PIGL: variants seen among roughly 807,000 people sequenced by gnomAD.
The protein encoded by PIGL is N-acetylglucosaminyl-phosphatidylinositol de-N-acetylase.
PIGL carries 22 observed loss-of-function variants against 31.1 expected under a neutral mutation model. The observed-to-expected ratio is 0.71, with a 90% CI of 0.51 to 1.01. The LOEUF is 1.01. Among genes scored for constraint, PIGL ranks in the 50% least tolerant of loss-of-function variants. The pLI, the probability that PIGL is intolerant of heterozygous loss-of-function variation, is 0.00. For missense variants in PIGL, 302 were observed against 315.9 expected (o/e 0.96, Z 0.33); for synonymous variants, 131 against 117.4 (o/e 1.12, Z -0.75).
intron 2 of PIGL, among the ~76,000 whole-genome samples, chr17:16,270,609 T>G (rs1197388651): frequency 1.3e-5 from 2 of 151,900 alleles, no homozygotes; most frequent in East Asian, 3.9e-4. Context: ...AAAACTTAAG[T>G]AGTCAGGCCA....
chr17:16,305,592 T>A (rs2093023081), intron 3 of PIGL, among the ~76,000 whole-genome samples: 1 of 152,098 alleles, frequency 6.6e-6, no homozygotes. Flanking sequence ...AGGTACAGGA[T>A]GAGAGAAAAA....
chr17:16,317,577 T>C (rs1333491039), intron 5 of PIGL, 198 bp from the exon 6 acceptor site: 1 of 1,370,306 alleles, frequency 7.3e-7, no homozygotes, highest in Non-Finnish European at 9.4e-7. Context: ...GCCAGCCAGG[T>C]CTTCTATGGC....
At chr17:16,223,893 A>G (rs2092640260) in intron 1 of PIGL, among the ~76,000 whole-genome samples, 1 of 151,846 alleles carries the variant, frequency 6.6e-6, no homozygotes, top group Non-Finnish European at 1.5e-5. Flanking sequence ...AGTCATCTCA[A>G]CAACCCTGTC....
intron 2 of PIGL, among the ~76,000 whole-genome samples, chr17:16,247,176 G>C (rs1356472945): frequency 6.6e-6 from 1 of 152,128 alleles, no homozygotes; most frequent in Non-Finnish European, 1.5e-5. Flanking sequence ...TGTGATCTTA[G>C]TTACCTCCTA....
At chr17:16,289,956 A>G (rs1367723697) in intron 2 of PIGL, among the ~76,000 whole-genome samples, 2 of 150,408 alleles carry the variant, frequency 1.3e-5, no homozygotes, top group Non-Finnish European at 3.0e-5. Flanking sequence ...TTGTGTTTTT[A>G]GTAGAGATGG....
chr17:16,325,024 T>C (rs1341642309), intron 6 of PIGL, among the ~76,000 whole-genome samples: 1 of 152,040 alleles, frequency 6.6e-6, no homozygotes, highest in Non-Finnish European at 1.5e-5. Flanking sequence ...GTTGTATATT[T>C]GAGGTAGTAG....
At chr17:16,251,352 G>A (rs1381415134) in intron 2 of PIGL, among the ~76,000 whole-genome samples, 1 of 151,422 alleles carries the variant, frequency 6.6e-6, no homozygotes, top group Non-Finnish European at 1.5e-5. Flanking sequence ...GGGGTCAAGA[G>A]GTCAAGGTTG....
At chr17:16,234,184 CTAGGGCTCGGTGCCATGGT>C in intron 2 of PIGL, 114 bp downstream of exon 2, 1 of 648,566 alleles carries the variant, frequency 1.5e-6, no homozygotes, top group Non-Finnish European at 2.7e-6. Context: ...TATGAAAAGT[CTAGGGCTCGGTGCCATGGT>C]TCACGCTTGT....
intron 2 of PIGL, among the ~76,000 whole-genome samples, chr17:16,245,810 A>G (rs952323627): frequency 1.9e-5 from 2 of 103,884 alleles, no homozygotes; most frequent in East Asian, 2.0e-4. Context: ...ACACACATAT[A>G]TATATATATA....
At chr17:16,258,119 GAGAGAA>G (rs1427752332) in intron 2 of PIGL, among the ~76,000 whole-genome samples, 3 of 125,324 alleles carry the variant, frequency 2.4e-5, no homozygotes, top group South Asian at 2.5e-4. Flanking sequence ...GAGAGAGAGA[GAGAGAA>G]AGAGAGAGAG....
At chr17:16,255,588 T>C (rs1039899415) in intron 2 of PIGL, among the ~76,000 whole-genome samples, 3 of 152,188 alleles carry the variant, frequency 2.0e-5, no homozygotes, top group African/African-American at 7.2e-5. Context: ...AGGCTGGGAC[T>C]GTTGGGATCA....
intron 1 of PIGL, among the ~76,000 whole-genome samples, chr17:16,218,677 C>CTTTTT (rs34243048): frequency 3.9e-5 from 5 of 127,674 alleles, no homozygotes; most frequent in East Asian, 2.3e-4. Flanking sequence ...CCAACTTACT[C>CTTTTT]TTTTTTTTTT....
chr17:16,247,602 C>T (rs890046803), intron 2 of PIGL, among the ~76,000 whole-genome samples: 4 of 152,208 alleles, frequency 2.6e-5, no homozygotes, highest in Admixed American at 6.5e-5. Context: ...CCTCCAAGCC[C>T]TCTGGAGCCT....
chr17:16,260,817 C>T (rs114620748), intron 2 of PIGL, among the ~76,000 whole-genome samples: 7,657 of 152,078 alleles, frequency 0.05, 239 homozygotes, highest in African/African-American at 0.095. Flanking sequence ...TGCCAAATAG[C>T]GGCTAAAAGA....
At chr17:16,217,533 G>T (rs1287248716) in intron 1 of PIGL, 72 bp downstream of exon 1, 3 of 1,235,356 alleles carry the variant, frequency 2.4e-6, no homozygotes, top group South Asian at 2.6e-5. Context: ...GATCTCAGTC[G>T]CCTTCTTCTC....
intron 3 of PIGL, among the ~76,000 whole-genome samples, chr17:16,311,361 C>A (rs1344097067): frequency 6.8e-6 from 1 of 147,382 alleles, no homozygotes; most frequent in African/African-American, 2.5e-5. Flanking sequence ...GTGTGAAGTA[C>A]AATTATGATT....
intron 2 of PIGL, among the ~76,000 whole-genome samples, chr17:16,260,724 A>T (rs1020024664): frequency 6.6e-6 from 1 of 152,162 alleles, no homozygotes; most frequent in Admixed American, 6.6e-5. Flanking sequence ...TCTGCCTCTC[A>T]GTGAAGCTCC....
At chr17:16,247,798 G>C (rs1206590392) in intron 2 of PIGL, among the ~76,000 whole-genome samples, 2 of 152,114 alleles carry the variant, frequency 1.3e-5, no homozygotes, top group Non-Finnish European at 2.9e-5. Flanking sequence ...TGAGGTGGTT[G>C]ATTACATGTG....
chr17:16,292,961 T>C (rs11868284), intron 2 of PIGL, among the ~76,000 whole-genome samples: 61,641 of 152,036 alleles, frequency 0.41, 13,926 homozygotes, highest in Middle Eastern at 0.52. Flanking sequence ...AAAAACTGAC[T>C]TACATGTTTA....
Sources: gnomAD v4.1 joint callset for allele counts (sites outside exome capture counted in the v4.1 genomes callset) on GRCh38, gnomAD v4.1.1 for gene constraint, MANE v1.5 for transcripts, NCBI Gene and HGNC (gene_info 2026-07-23, HGNC 2026-07-21) for gene names.